Variants in ABCC5 observed in about 807,000 individuals in gnomAD.
ABCC5 encodes the protein ATP binding cassette subfamily C member 5.
Under a neutral mutation model 160.9 loss-of-function variants are expected in ABCC5, and 61 were observed. That is an observed-to-expected ratio of 0.38 (90% CI 0.31 to 0.47). The LOEUF (loss-of-function observed/expected upper bound fraction) is 0.47. ABCC5 is among the 20% of genes least tolerant of loss of function. The pLI is 0.99. For missense variants in ABCC5, 1,308 were observed against 1,813.3 expected, an observed-to-expected ratio of 0.72 and a Z score of 5.06; for synonymous variants, 666 against 700.6, an observed-to-expected ratio of 0.95 and a Z score of 0.78.
intron 28 of ABCC5, among the ~76,000 whole-genome samples, chr3:183,926,442 C>T (rs1233935835): frequency 1.3e-5 from 2 of 151,592 alleles, no homozygotes; most frequent in African/African-American, 4.8e-5. Context: ...CCCAGCTACT[C>T]GGGAGGCGGA....
At chr3:183,990,486 T>C (rs181554473) in intron 2 of ABCC5, among the ~76,000 whole-genome samples, 2 of 152,318 alleles carry the variant, frequency 1.3e-5, no homozygotes, top group Admixed American at 6.5e-5. Context: ...CCAATATGGA[T>C]TGAGAGTCAA....
At chr3:183,929,748 A>T (rs749360220) in intron 26 of ABCC5, among the ~76,000 whole-genome samples, 1 of 149,144 alleles carries the variant, frequency 6.7e-6, no homozygotes, top group East Asian at 2.0e-4. Flanking sequence ...GAGACTAGAA[A>T]TTTTTTTTTT....
intron 20 of ABCC5, among the ~76,000 whole-genome samples, chr3:183,950,536 G>A (rs1349045312): frequency 6.6e-6 from 1 of 152,198 alleles, no homozygotes; most frequent in African/African-American, 2.4e-5. Flanking sequence ...TAAAGGAAGA[G>A]CACAGACCCT....
At chr3:183,986,774 A>G (rs1484769525) in intron 5 of ABCC5, 1 of 152,184 alleles carries the variant, frequency 6.6e-6, no homozygotes, top group African/African-American at 2.4e-5. Context: ...ATTTTGGTAA[A>G]TTACATAACA....
In ABCC5 at chr3:183,949,131, G is replaced by T. The variant is rs1426524375; in HGVS notation, c.3227+622C>A. On this transcript the variant is annotated intron_variant, in intron 22 of 29. Coordinates refer to ENST00000334444, the MANE Select transcript of ABCC5 (RefSeq NM_005688.4). The surrounding 1 kb of genome is among the most constrained non-coding windows in gnomAD (Gnocchi z 4.2). ...ATCATTCCCTATCAGTACCTATAGA[G>T]CTCCCTCATTCTTTTTAAGGGCCAC... Among the ~76,000 whole-genome samples the T allele has an allele frequency of 6.6e-6, 1 of 152,122 alleles. No homozygotes were observed. The highest frequency in any genetic ancestry group is 6.5e-5 in the Admixed American group (1 of 15,274).
chr3:183,929,440 A>G (rs1169500479), intron 26 of ABCC5, among the ~76,000 whole-genome samples: 1 of 152,246 alleles, frequency 6.6e-6, no homozygotes, highest in African/African-American at 2.4e-5. Context: ...CTCAATAAAT[A>G]AAATAAAATA....
intron 5 of ABCC5, chr3:183,984,630 T>G: frequency 1.4e-6 from 2 of 1,418,508 alleles, no homozygotes; most frequent in Non-Finnish European, 1.8e-6. Context: ...AGACTTCAGA[T>G]TCCAAGAACT....
chr3:183,940,203 A>G (rs1469124524), intron 25 of ABCC5, among the ~76,000 whole-genome samples: 2 of 152,092 alleles, frequency 1.3e-5, no homozygotes, highest in Admixed American at 6.5e-5. Context: ...CCTAGAAATG[A>G]GTGACTCCAG....
At chr3:183,944,226 T>C (rs987273980) in intron 24 of ABCC5, among the ~76,000 whole-genome samples, 3 of 151,940 alleles carry the variant, frequency 2.0e-5, no homozygotes, top group Non-Finnish European at 2.9e-5. Flanking sequence ...GAAACCTATC[T>C]CTACAAAAAA....
Position 183,963,612 on chromosome 3 carries a change from GA to G in ABCC5, c.2032-25del. The stretch of plus-strand genomic sequence containing the variant: ...ATCTACAAGAGCCCAGAAGTGTGGT[GA>G]AGCCTCCAGCGCAAGTCCAGAACAG... On this transcript the variant is annotated intron_variant, in intron 14 of 29. Transcript: ENST00000334444. The surrounding 1 kb of genome is among the most constrained non-coding windows in gnomAD (Gnocchi z 4.6). The G allele has an allele frequency of 1.2e-6, 2 of 1,611,936 alleles. No individual in the cohort carries two copies. Among genetic ancestry groups the G allele is most frequent in the Non-Finnish European group, 1.7e-6 (2 of 1,179,578 alleles).
intron 26 of ABCC5, among the ~76,000 whole-genome samples, chr3:183,932,965 G>C (rs2108767630): frequency 6.6e-6 from 1 of 152,092 alleles, no homozygotes; most frequent in East Asian, 1.9e-4. Flanking sequence ...AGGAGTTCAA[G>C]ACCACCAGCC....
chr3:183,963,468 G>A lies in ABCC5; in HGVS notation c.2152C>T (p.His718Tyr). The change falls in exon 15 of 30, where the codon CAT (histidine) becomes TAT (tyrosine). Residue 718 changes from histidine to tyrosine, a missense_variant. Around this residue, in one of 3 missense-constraint regions of ABCC5, gnomAD observed 1,142 missense variants for 1,527.1 expected, o/e 0.75. Transcript: ENST00000334444. The surrounding 1 kb of genome is among the most constrained non-coding windows in gnomAD (Gnocchi z 4.6). ...LDDPLSALDA[H>Y]VGNHIFNSAI... ...CTATTGAAGATGTGGTTGCCCACATGGGCATCTAAGGCACTGAGGGGGTCG... is the reference window on the plus strand; with the variant it reads ...CTATTGAAGATGTGGTTGCCCACATAGGCATCTAAGGCACTGAGGGGGTCG... 1.2e-6 allele frequency: 2 copies of A among 1,614,228 alleles called. No individual in the cohort carries two copies. Among genetic ancestry groups the A allele is most frequent in the South Asian group, 2.2e-5 (2 of 91,086 alleles).
intron 17 of ABCC5, among the ~76,000 whole-genome samples, chr3:183,955,058 C>T (rs68153167): frequency 0.23 from 34,989 of 151,886 alleles, 4,979 homozygotes; most frequent in Middle Eastern, 0.33. Flanking sequence ...AGGGTGTGGA[C>T]GCCAAGGTTC....
chr3:183,971,720 C>A lies in ABCC5; in HGVS notation c.1604G>T (p.Arg535Leu), dbSNP rs550542220. 1.2e-5 allele frequency: 19 copies of A among 1,614,070 alleles called. No individual in the cohort carries two copies. Among genetic ancestry groups the A allele is most frequent in the Middle Eastern group, 1.6e-4 (1 of 6,084 alleles). ...TGCCAGCACCGCCTGATGCTCAGTG[C>A]GCTGCAGCTGCCTCACCTTCTCTTT... The part of the protein sequence containing the change: ...GKKEKVRQLQ[R>L]TEHQAVLAEQ... Residue 535 changes from arginine (R) to leucine (L), a missense_variant, in exon 11 of 30, where the codon CGC becomes CTC. By Grantham distance (102) the Arg-to-Leu change is moderately radical. Coordinates refer to ENST00000334444, the MANE Select transcript of ABCC5 (RefSeq NM_005688.4).
chr3:183,985,411 CAG>C, intron 5 of ABCC5: 3 of 1,569,266 alleles, frequency 1.9e-6, no homozygotes, highest in Non-Finnish European at 2.6e-6. Context: ...GGTTCCACTA[CAG>C]AGAGACTCCC....
intron 5 of ABCC5, chr3:183,984,284 C>T (rs1719000609): frequency 1.0e-6 from 1 of 984,980 alleles, no homozygotes; most frequent in African/African-American, 1.8e-5. Context: ...TCAATCTTGA[C>T]AAAAATAAAA....
chr3:183,938,142 C>T, intron 25 of ABCC5, 82 bp from the exon 26 acceptor site: 1 of 1,362,184 alleles, frequency 7.3e-7, no homozygotes, highest in Non-Finnish European at 1.0e-6. Context: ...AGGGCAATGC[C>T]AACTATTTTT....
chr3:183,995,017 A>T (rs1391283637), intron 2 of ABCC5, among the ~76,000 whole-genome samples: 2 of 151,714 alleles, frequency 1.3e-5, no homozygotes, highest in African/African-American at 4.8e-5. Flanking sequence ...ACACCCAGCT[A>T]ATTATTTTTA....
intron 17 of ABCC5, among the ~76,000 whole-genome samples, chr3:183,953,943 G>A (rs1715627998): frequency 6.6e-6 from 1 of 152,186 alleles, no homozygotes; most frequent in African/African-American, 2.4e-5. Context: ...AGGGTGACAG[G>A]TGTGTCTGAC....
Sources: gnomAD v4.1 joint callset for allele counts (sites outside exome capture counted in the v4.1 genomes callset) on GRCh38, gnomAD v4.1.1 for gene constraint, gnomAD v4.1.1 regional missense constraint, Gnocchi (gnomAD v3.1) non-coding constraint, MANE v1.5 for transcripts, NCBI Gene and HGNC (gene_info 2026-07-23, HGNC 2026-07-21) for gene names.